The following BLTP2 variants were observed in gnomAD, a reference collection of about 807,000 sequenced individuals.
BLTP2 encodes bridge-like lipid transfer protein family member 2, also known as U937-associated antigen.
At chr17:28,618,803 G>A in the BLTP2 span, 3 of 1,613,410 alleles carry the variant, frequency 1.9e-6, no homozygotes, top group African/African-American at 1.3e-5. Context: ...TGCTGTAGAG[G>A]AACCTCTGCA....
chr17:28,616,930 G>A, the BLTP2 span: 8 of 1,613,956 alleles, frequency 5.0e-6, no homozygotes, highest in African/African-American at 1.3e-5. The surrounding 1 kb of genome is among the most constrained non-coding windows in gnomAD (Gnocchi z 4.8). Flanking sequence ...ACAGGGGGCC[G>A]AACTTTGCTG....
At chr17:28,616,771 T>G in the BLTP2 span, 3 of 1,613,936 alleles carry the variant, frequency 1.9e-6, no homozygotes, top group Non-Finnish European at 2.5e-6. The surrounding 1 kb of genome is among the most constrained non-coding windows in gnomAD (Gnocchi z 4.8). Context: ...GGAAAAAGAT[T>G]CAAGAAGCAA....
the BLTP2 span, chr17:28,639,863 C>T: frequency 1.6e-5 from 25 of 1,612,160 alleles, no homozygotes; most frequent in Non-Finnish European, 2.0e-5. Context: ...ATCTAGTCCT[C>T]CCATTCTCGC....
chr17:28,638,135 C>G, the BLTP2 span: 2 of 1,605,408 alleles, frequency 1.2e-6, no homozygotes, highest in Non-Finnish European at 1.7e-6. Flanking sequence ...AGTATGCAGG[C>G]GCACAGTTTT....
At chr17:28,625,334 CAAAAAAAAA>C in the BLTP2 span, among the ~76,000 whole-genome samples, 2 of 29,064 alleles carry the variant, frequency 6.9e-5, no homozygotes, top group African/African-American at 2.4e-4. Flanking sequence ...GACTCCGTCT[CAAAAAAAAA>C]AAAAAAAAAA....
chr17:28,638,095 C>T, the BLTP2 span: 1 of 1,613,254 alleles, frequency 6.2e-7, no homozygotes, highest in Non-Finnish European at 8.5e-7. Flanking sequence ...TATAGCTACC[C>T]TAGAGAAGAA....
chr17:28,642,810 C>T, the BLTP2 span: 1 of 925,034 alleles, frequency 1.1e-6, no homozygotes, highest in African/African-American at 1.6e-5. Flanking sequence ...ATAAGGAGGC[C>T]CTGAAGCAAC....
chr17:28,633,088 T>A, the BLTP2 span: 5 of 1,585,860 alleles, frequency 3.2e-6, no homozygotes, highest in African/African-American at 6.8e-5. Flanking sequence ...ATCATGGGGG[T>A]TCCCATGGCA....
At chr17:28,644,959 G>A in the BLTP2 span, 2 of 1,551,978 alleles carry the variant, frequency 1.3e-6, no homozygotes, top group Non-Finnish European at 1.7e-6. Flanking sequence ...CGCCGCCGCC[G>A]CCGCCGCCGG....
the BLTP2 span, chr17:28,643,519 G>C: frequency 7.0e-7 from 1 of 1,432,790 alleles, no homozygotes; most frequent in Non-Finnish European, 9.8e-7. Context: ...TTCCTCCTTG[G>C]ATTGTGATGC....
At chr17:28,619,279 A>AT in the BLTP2 span, among the ~76,000 whole-genome samples, 1 of 152,032 alleles carries the variant, frequency 6.6e-6, no homozygotes, top group African/African-American at 2.4e-5. Context: ...TGTCAGGTTC[A>AT]TTAAAAAAAA....
chr17:28,643,644 A>G, the BLTP2 span: 1 of 1,614,140 alleles, frequency 6.2e-7, no homozygotes, highest in Non-Finnish European at 8.5e-7. Context: ...CTGGAAATCC[A>G]CAGGTTATCA....
the BLTP2 span, chr17:28,632,890 A>C: frequency 2.2e-6 from 3 of 1,361,982 alleles, no homozygotes; most frequent in East Asian, 7.3e-5. Flanking sequence ...CCCAGCATCC[A>C]TGCCCGTCCT....
At chr17:28,614,845 T>C in the BLTP2 span, 1 of 479,672 alleles carries the variant, frequency 2.1e-6, no homozygotes, top group Middle Eastern at 5.8e-4. Flanking sequence ...TCTTGCTCTC[T>C]TGTTGCCTCT....
the BLTP2 span, chr17:28,640,051 G>A: frequency 1.9e-6 from 3 of 1,609,850 alleles, no homozygotes; most frequent in Admixed American, 5.0e-5. Flanking sequence ...TTCCAGCTCA[G>A]GAAGATGTGG....
At chr17:28,637,740 C>G in the BLTP2 span, 1 of 1,223,720 alleles carries the variant, frequency 8.2e-7, no homozygotes, top group African/African-American at 1.5e-5. Context: ...GGCACCATCT[C>G]AGCTCACTGC....
At chr17:28,623,465 C>T in the BLTP2 span, among the ~76,000 whole-genome samples, 2 of 152,156 alleles carry the variant, frequency 1.3e-5, no homozygotes, top group Non-Finnish European at 1.5e-5. Context: ...TTCTTGGCTG[C>T]CTGCTGATTA....
the BLTP2 span, among the ~76,000 whole-genome samples, chr17:28,641,656 A>T: frequency 6.6e-6 from 1 of 150,980 alleles, no homozygotes; most frequent in Non-Finnish European, 1.5e-5. Context: ...TTAAAAAAAA[A>T]GGAAAAAAAA....
chr17:28,642,447 C>G, the BLTP2 span: 1 of 824,864 alleles, frequency 1.2e-6, no homozygotes, highest in South Asian at 1.4e-5. Context: ...GTCAGGAGAT[C>G]AAGACCATCC....
Sources: gnomAD v4.1 joint callset for allele counts (sites outside exome capture counted in the v4.1 genomes callset) on GRCh38, gnomAD v4.1.1 for gene constraint, Gnocchi (gnomAD v3.1) non-coding constraint, MANE v1.5 for transcripts, NCBI Gene and HGNC (gene_info 2026-07-23, HGNC 2026-07-21) for gene names.